PYGL: variants seen among roughly 807,000 people sequenced by gnomAD.
PYGL encodes glycogen phosphorylase, liver form.
Under a neutral mutation model 100.1 loss-of-function variants are expected in PYGL, and 90 were observed. That is an observed-to-expected ratio of 0.90 (90% CI 0.76 to 1.07). The LOEUF (loss-of-function observed/expected upper bound fraction) is 1.07, where lower values mean the gene tolerates loss of function less well. Among genes scored for constraint, PYGL ranks in the 50% least tolerant of loss-of-function variants. The pLI is 0.00. For missense variants in PYGL, 1,016 were observed against 1,057.6 expected, an observed-to-expected ratio of 0.96 and a Z score of 0.55; for synonymous variants, 373 against 393.0, an observed-to-expected ratio of 0.95 and a Z score of 0.60.
At chr14:50,926,752 A>AAAAAAT (rs2050551945) in intron 4 of PYGL, among the ~76,000 whole-genome samples, 44 of 145,102 alleles carry the variant, frequency 3.0e-4, no homozygotes, top group African/African-American at 9.9e-4. Context: ...AAAAAAAAAA[A>AAAAAAT]AGAAAAAGTC....
intron 4 of PYGL, among the ~76,000 whole-genome samples, chr14:50,928,792 G>A (rs1172410899): frequency 7.2e-6 from 1 of 139,706 alleles, no homozygotes; most frequent in African/African-American, 2.6e-5. Context: ...ACAGTGTTAC[G>A]TGTTGAGTGG....
chr14:50,920,683 T>C, intron 6 of PYGL, 60 bp from the exon 7 acceptor site: 1 of 1,482,660 alleles, frequency 6.7e-7, no homozygotes, highest in Non-Finnish European at 9.4e-7. Context: ...TGGAAACCTC[T>C]TGATCTCACT....
intron 5 of PYGL, among the ~76,000 whole-genome samples, chr14:50,923,059 G>A (rs2050515448): frequency 1.3e-5 from 2 of 152,302 alleles, no homozygotes; most frequent in East Asian, 1.9e-4. Flanking sequence ...TTCAATCTAT[G>A]AGGCTAAGTT....
intron 2 of PYGL, among the ~76,000 whole-genome samples, chr14:50,936,370 C>G (rs899140741): frequency 6.6e-6 from 1 of 152,190 alleles, no homozygotes; most frequent in Non-Finnish European, 1.5e-5. Flanking sequence ...CTGTATCTTA[C>G]GAGTTCAACC....
intron 7 of PYGL, 130 bp from the exon 8 acceptor site, chr14:50,917,235 A>G (rs2050461593): frequency 3.9e-6 from 4 of 1,029,450 alleles, no homozygotes; most frequent in Middle Eastern, 2.3e-4. Context: ...GGTGGTTTGA[A>G]TGCCAAACTG....
At chr14:50,920,331 G>A (rs1451741382) in intron 7 of PYGL, among the ~76,000 whole-genome samples, 9 of 152,116 alleles carry the variant, frequency 5.9e-5, no homozygotes, top group Admixed American at 4.6e-4. Context: ...CTAATCAAGG[G>A]CAAAATACCA....
Position 50,921,005 on chromosome 14 carries a change from G to A in PYGL, c.723C>T (p.Thr241=). The change falls in exon 6 of 20, where the codon ACC becomes ACT. Residue 241 remains threonine, a synonymous_variant. Coordinates refer to ENST00000216392, the MANE Select transcript of PYGL (RefSeq NM_002863.5). The part of the protein sequence containing the change: ...VPGYMNNTVN[T]MRLWSARAPN... Reference sequence around the variant, plus strand: ...GTGCCCGAGCAGACCAGAGGCGCATGGTGTTGACAGTGTTATTCATGTAGC... The same window carrying A: ...GTGCCCGAGCAGACCAGAGGCGCATAGTGTTGACAGTGTTATTCATGTAGC... The A allele has an allele frequency of 6.2e-7, 1 of 1,614,238 alleles. No homozygotes were observed. The highest frequency in any genetic ancestry group is 8.5e-7 in the Non-Finnish European group (1 of 1,180,034).
chr14:50,914,007 C>T (rs1053987143), intron 12 of PYGL, among the ~76,000 whole-genome samples: 46 of 152,114 alleles, frequency 3.0e-4, no homozygotes, highest in African/African-American at 1.0e-3. Context: ...CGGCCAGCTT[C>T]ACTGGTATTA....
At chr14:50,941,477 G>A (rs2050701334) in intron 1 of PYGL, among the ~76,000 whole-genome samples, 1 of 152,198 alleles carries the variant, frequency 6.6e-6, no homozygotes, top group Non-Finnish European at 1.5e-5. Flanking sequence ...AGGAGAGCAC[G>A]TCATTCAAGG....
intron 4 of PYGL, among the ~76,000 whole-genome samples, chr14:50,930,008 C>A (rs1049433339): frequency 2.8e-4 from 43 of 152,190 alleles, no homozygotes; most frequent in African/African-American, 9.9e-4. Context: ...TTTTCTAGCA[C>A]TTTTCCTTTA....
chr14:50,913,198 G>A, intron 12 of PYGL, 68 bp from the exon 13 acceptor site: 2 of 1,328,716 alleles, frequency 1.5e-6, no homozygotes, highest in Non-Finnish European at 2.1e-6. Context: ...GGCAGTTTCT[G>A]TCAGTATTTC....
chr14:50,908,991 C>T (rs1038940783), intron 17 of PYGL, 36 bp from the exon 18 acceptor site: 2 of 1,568,418 alleles, frequency 1.3e-6, no homozygotes, highest in Non-Finnish European at 1.8e-6. Flanking sequence ...TAAAAAAAGG[C>T]TCTGTTATTG....
chr14:50,928,907 C>T (rs958656403), intron 4 of PYGL, among the ~76,000 whole-genome samples: 27 of 152,084 alleles, frequency 1.8e-4, no homozygotes, highest in Non-Finnish European at 2.4e-4. Context: ...TTATGTTTGA[C>T]GGTTAAAATC....
Position 50,909,878 on chromosome 14 carries a change from A to G in PYGL, c.2177+17T>C, listed in dbSNP as rs780034082. ...GGAGGGGCAGTCCTGCCTAGCAAAGAGAAGCTATTCTCTTACCCTTTCTTG... is the reference window on the plus strand; with the variant it reads ...GGAGGGGCAGTCCTGCCTAGCAAAGGGAAGCTATTCTCTTACCCTTTCTTG... On this transcript the variant is annotated intron_variant, in intron 17 of 19. Coordinates refer to ENST00000216392, the MANE Select transcript of PYGL (RefSeq NM_002863.5). 6.8e-6 allele frequency: 11 copies of G among 1,613,892 alleles called. No individual in the cohort carries two copies. The Admixed American group carries it at 1.3e-4, about 20-fold the overall frequency.
intron 4 of PYGL, among the ~76,000 whole-genome samples, chr14:50,926,509 T>C (rs2050548933): frequency 6.6e-6 from 1 of 151,576 alleles, no homozygotes; most frequent in African/African-American, 2.4e-5. Flanking sequence ...GGGCTGATCA[T>C]GAGGTCAGGA....
At chr14:50,911,931 G>C (rs2050402801) in intron 15 of PYGL, 47 bp downstream of exon 15, 1 of 1,613,280 alleles carries the variant, frequency 6.2e-7, no homozygotes, top group Admixed American at 1.7e-5. Context: ...TAGAAGAATG[G>C]CAAGAGATTA....
intron 6 of PYGL, 49 bp from the exon 7 acceptor site, chr14:50,920,672 T>C (rs762942867): frequency 6.5e-7 from 1 of 1,532,174 alleles, no homozygotes; most frequent in African/African-American, 1.4e-5. Context: ...GCCATTGTTG[T>C]TGGAAACCTC....
At chr14:50,938,234 C>A (rs1455318032) in intron 1 of PYGL, among the ~76,000 whole-genome samples, 1 of 152,124 alleles carries the variant, frequency 6.6e-6, no homozygotes, top group African/African-American at 2.4e-5. Context: ...ATTTTAAAGA[C>A]AAAGTCTTGC....
At position 50,916,677 on chromosome 14, in the gene PYGL, T is replaced by G; in HGVS notation, c.1057A>C (p.Ile353Leu). The change falls in exon 9 of 20, where the codon ATT becomes CTT. Residue 353 changes from isoleucine to leucine, a missense_variant. Ile to Leu is a conservative substitution (Grantham distance 5, BLOSUM62 2). Transcript: ENST00000216392. ...PALAIPELMRIFVDIEKLPWS... is the reference protein window; with the variant it reads ...PALAIPELMRLFVDIEKLPWS... ...GGCAGTTTTTCAATATCCACAAAAATCCTCATCAGCTCAGGGATCGCGAGT... is the reference window on the plus strand; with the variant it reads ...GGCAGTTTTTCAATATCCACAAAAAGCCTCATCAGCTCAGGGATCGCGAGT... 6.2e-7 allele frequency: 1 copy of G among 1,614,158 alleles called. No homozygotes were observed. Among genetic ancestry groups the G allele is most frequent in the Non-Finnish European group, 8.5e-7 (1 of 1,180,002 alleles).
Sources: allele counts gnomAD v4.1 joint callset (sites outside exome capture counted in the v4.1 genomes callset), GRCh38; gene constraint gnomAD v4.1.1; transcripts MANE v1.5; gene names NCBI Gene and HGNC (gene_info 2026-07-23, HGNC 2026-07-21).